The following DNAJC13 variants were observed in gnomAD, a reference collection of about 807,000 sequenced individuals.
DNAJC13 encodes the protein DnaJ heat shock protein family (Hsp40) member C13.
A neutral mutation model predicts 290.5 loss-of-function variants in DNAJC13; 75 were observed. That is an observed-to-expected ratio of 0.26 (90% CI 0.21 to 0.31). The LOEUF is 0.31. DNAJC13 is among the 10% of genes least tolerant of loss of function. The probability of loss-of-function intolerance (pLI) is 1.00; values close to 1 mark genes in which losing one functional copy is unlikely to be tolerated. For missense variants in DNAJC13, 2,260 were observed against 2,674.5 expected (o/e 0.85, Z 3.42); for synonymous variants, 862 against 892.0 (o/e 0.97, Z 0.60).
At chr3:132,463,673 A>T (rs1380387890) in intron 16 of DNAJC13, 23 bp from the exon 17 acceptor site, 1 of 1,605,134 alleles carries the variant, frequency 6.2e-7, no homozygotes, top group Non-Finnish European at 8.5e-7. Flanking sequence ...CACCTTAGGG[A>T]TCATCTTACC....
chr3:132,426,757 A>C (rs1939102073), intron 1 of DNAJC13, among the ~76,000 whole-genome samples: 1 of 152,100 alleles, frequency 6.6e-6, no homozygotes, highest in South Asian at 2.1e-4. Context: ...GTACAGAGGA[A>C]ATATTGACTG....
chr3:132,513,498 G>C (rs1292435770), intron 45 of DNAJC13, among the ~76,000 whole-genome samples: 1 of 152,154 alleles, frequency 6.6e-6, no homozygotes, highest in African/African-American at 2.4e-5. Flanking sequence ...CTGTGGGTTT[G>C]CATTTCAGAG....
At chr3:132,470,652 G>A (rs1282366497) in intron 20 of DNAJC13, among the ~76,000 whole-genome samples, 9 of 139,036 alleles carry the variant, frequency 6.5e-5, no homozygotes, top group East Asian at 4.6e-4. Flanking sequence ...CGGGGCGGCT[G>A]GCCGGGCGGG....
rs573709806 is a variant in DNAJC13 at position 132,517,968 on chromosome 3, A to G, written c.5673+1152A>G. ...CATTTGGAAGCCTACAGGAGGGTCTATAAAATAGTTAATATTGAATTTCCT... is the reference window on the plus strand; with the variant it reads ...CATTTGGAAGCCTACAGGAGGGTCTGTAAAATAGTTAATATTGAATTTCCT... On this transcript the variant is annotated intron_variant, in intron 48 of 55. Transcript: ENST00000260818. Among the ~76,000 whole-genome samples the G allele has an allele frequency of 1.4e-4, 22 of 152,358 alleles. No individual in the cohort carries two copies. The South Asian group carries it at 4.3e-3, about 30-fold the overall frequency.
rs61748101 is a variant in DNAJC13, at chr3:132,494,190, A to G, written c.3872A>G (p.Glu1291Gly). The G allele has an allele frequency of 6.3e-3, 10,083 of 1,613,084 alleles. 50 individuals carry two copies. The highest frequency in any genetic ancestry group is 8.3e-3 in the South Asian group (750 of 90,822). Residue 1291 changes from glutamate (E) to glycine (G), a missense_variant, in exon 34 of 56, where the codon GAA becomes GGA. This residue lies in a region of DNAJC13 where 1,494 missense variants were observed against 1,693.7 expected (regional missense o/e 0.88). Coordinates refer to ENST00000260818, the MANE Select transcript of DNAJC13 (RefSeq NM_015268.4). ...CTTGATGCCTGGAAGAAAGAAGTAGAAAAGAAGCCACCTATGATGTCAATA... is the reference window on the plus strand; with the variant it reads ...CTTGATGCCTGGAAGAAAGAAGTAGGAAAGAAGCCACCTATGATGTCAATA... ...DTLDAWKKEVEKKPPMMSIDD... is the reference protein window; with the variant it reads ...DTLDAWKKEVGKKPPMMSIDD...
chr3:132,526,060 A>T lies in DNAJC13; in HGVS notation c.6241-81A>T. 3 of 1,516,564 alleles carry T rather than the reference A, an allele frequency of 2.0e-6. No individual in the cohort carries two copies. In the Admixed American group the frequency reaches 6.3e-5, roughly 32 times the overall value. 93.9% of individuals were successfully genotyped at this position (1,516,564 alleles called of 1,614,324 possible). The stretch of plus-strand genomic sequence containing the variant: ...AAAGTAAGGGATTCTTTTTTTACTT[A>T]TTTACTTATTTTGTTATGGTATTTA... On this transcript the variant is annotated intron_variant, in intron 52 of 55. Transcript: ENST00000260818.
rs1321458825 is a variant in DNAJC13 at position 132,419,417 on chromosome 3, A to G, written c.-14+1657A>G. Among the ~76,000 whole-genome samples the G allele has an allele frequency of 2.6e-5, 4 of 152,244 alleles. No homozygotes were observed. In the South Asian group the frequency reaches 8.3e-4, roughly 32 times the overall value. On this transcript the variant is annotated intron_variant, in intron 1 of 55. Transcript: ENST00000260818. Reference sequence around the variant, plus strand: ...TAAAAAATAAAATATTAATAAGTGAATGAATTGTTTGGAATAATTTAACTT... The same window carrying G: ...TAAAAAATAAAATATTAATAAGTGAGTGAATTGTTTGGAATAATTTAACTT...
chr3:132,525,504 C>A (rs1364757791), intron 51 of DNAJC13, 106 bp from the exon 52 acceptor site: 2 of 1,161,510 alleles, frequency 1.7e-6, no homozygotes, highest in Non-Finnish European at 2.4e-6. Context: ...AGTATCAGCA[C>A]TTAGAACTTT....
intron 17 of DNAJC13, among the ~76,000 whole-genome samples, chr3:132,464,609 A>G (rs148233304): frequency 6.3e-4 from 94 of 149,746 alleles, no homozygotes; most frequent in African/African-American, 2.1e-3. Context: ...CTTGCCAGGG[A>G]TTTTTTTTTT....
rs1386259889 is a variant in DNAJC13 at position 132,488,971 on chromosome 3, T to C, written c.3423-5T>C. The C allele has an allele frequency of 1.2e-6, 2 of 1,602,322 alleles. No homozygotes were observed. The highest frequency in any genetic ancestry group is 3.3e-5 in the Admixed American group (2 of 59,786). On this transcript the variant is annotated splice_region_variant and splice_polypyrimidine_tract_variant and intron_variant, in intron 30 of 55. Transcript: ENST00000260818. Reference sequence around the variant, plus strand: ...ATCTGATAGATAATTCATTTTTCTTTCTAGATTTTTGAAATACACACATAC... The same window carrying C: ...ATCTGATAGATAATTCATTTTTCTTCCTAGATTTTTGAAATACACACATAC...
intron 43 of DNAJC13, among the ~76,000 whole-genome samples, chr3:132,509,778 T>G (rs921534057): frequency 4.6e-5 from 7 of 152,218 alleles, no homozygotes; most frequent in African/African-American, 1.4e-4. Context: ...CTCAGATGAT[T>G]GTTAGCATTT....
At chr3:132,419,088 G>C (rs910716107) in intron 1 of DNAJC13, among the ~76,000 whole-genome samples, 6 of 152,176 alleles carry the variant, frequency 3.9e-5, no homozygotes, top group African/African-American at 1.2e-4. Context: ...GGCTTGTGCT[G>C]TTAGTATCAC....
chr3:132,528,185 C>G lies in DNAJC13; in HGVS notation c.6382-4C>G, dbSNP rs773945980. The G allele has an allele frequency of 4.3e-6, 7 of 1,613,664 alleles. No individual in the cohort carries two copies. The East Asian group carries it at 1.6e-4, about 36-fold the overall frequency. Reference sequence around the variant, plus strand: ...TGTTTATATATGCTTAATATTTCTTCTAGGCCCTGAAAGCAGATTTGGTTC... The same window carrying G: ...TGTTTATATATGCTTAATATTTCTTGTAGGCCCTGAAAGCAGATTTGGTTC... On this transcript the variant is annotated splice_region_variant and splice_polypyrimidine_tract_variant and intron_variant, in intron 53 of 55. Coordinates refer to ENST00000260818, the MANE Select transcript of DNAJC13 (RefSeq NM_015268.4).
At chr3:132,496,506 A>G (rs371777303) in intron 35 of DNAJC13, 22 bp from the exon 36 acceptor site, 149 of 1,549,846 alleles carry the variant, frequency 9.6e-5, no homozygotes, top group Non-Finnish European at 2.3e-5. Context: ...ATTAACGTTA[A>G]ATTATCTTCT....
chr3:132,434,026 C>T (rs545322298), intron 1 of DNAJC13, among the ~76,000 whole-genome samples: 14 of 152,208 alleles, frequency 9.2e-5, no homozygotes, highest in Non-Finnish European at 2.1e-4. Flanking sequence ...ATCCTCGCTA[C>T]GGTGAAATCC....
In DNAJC13 at chr3:132,525,634, A is replaced by G. The variant is rs746018688; in HGVS notation, c.6085A>G (p.Met2029Val). ...PHGETLETLT[M>V]ATVCLFSAQP... ...GGGAGAAACTCTGGAAACCTTGACA[A>G]TGGCAACAGTGTGTCTCTTCAGCGC... Residue 2029 changes from methionine to valine, a missense_variant, in exon 52 of 56, where the codon ATG (methionine) becomes GTG (valine). By Grantham distance (21) the Met-to-Val change is conservative (BLOSUM62 1). Around this residue, in one of 3 missense-constraint regions of DNAJC13, gnomAD observed 1,494 missense variants for 1,693.7 expected, o/e 0.88. Transcript: ENST00000260818. 5 of 1,613,720 alleles carry G rather than the reference A, an allele frequency of 3.1e-6. No individual in the cohort carries two copies. The highest frequency in any genetic ancestry group is 2.2e-5 in the South Asian group (2 of 90,986).
chr3:132,419,253 C>A lies in DNAJC13; in HGVS notation c.-14+1493C>A, dbSNP rs538400599. ...AGAACCTTAAGGCTAGAGTTCAGTT[C>A]ATGGAAAATATCAGCATTTGTATTC... On this transcript the variant is annotated intron_variant, in intron 1 of 55. Coordinates refer to ENST00000260818, the MANE Select transcript of DNAJC13 (RefSeq NM_015268.4). Among the ~76,000 whole-genome samples the A allele has an allele frequency of 1.1e-3, 162 of 152,212 alleles. 1 individual carries two copies. Among genetic ancestry groups the A allele is most frequent in the African/African-American group, 3.7e-3 (155 of 41,518 alleles).
At chr3:132,464,061 A>G (rs1413892509) in intron 17 of DNAJC13, among the ~76,000 whole-genome samples, 1 of 152,148 alleles carries the variant, frequency 6.6e-6, no homozygotes, top group Non-Finnish European at 1.5e-5. Context: ...CTGACACCAT[A>G]GTCATGGGAC....
intron 35 of DNAJC13, 77 bp downstream of exon 35, chr3:132,495,243 C>G (rs1421720736): frequency 1.8e-6 from 2 of 1,131,520 alleles, no homozygotes; most frequent in African/African-American, 1.6e-5. Context: ...AAGTATATTA[C>G]CTTCTGTGCC....
Sources: allele counts gnomAD v4.1 joint callset (sites outside exome capture counted in the v4.1 genomes callset), GRCh38; gene constraint gnomAD v4.1.1; regional missense constraint gnomAD v4.1.1; transcripts MANE v1.5; gene names NCBI Gene and HGNC (gene_info 2026-07-23, HGNC 2026-07-21).